Variants in PRKG1 observed in about 807,000 individuals in gnomAD.
PRKG1 encodes the protein protein kinase cGMP-dependent 1.
A neutral mutation model predicts 88.1 loss-of-function variants in PRKG1; 35 were observed. The observed-to-expected ratio is 0.40, with a 90% CI of 0.30 to 0.53. The LOEUF (loss-of-function observed/expected upper bound fraction) is 0.53. PRKG1 is among the 20% of genes least tolerant of loss of function. The pLI is 0.59. For missense variants in PRKG1, 540 were observed against 839.8 expected (o/e 0.64, Z 4.41); for synonymous variants, 303 against 292.5 (o/e 1.04, Z -0.37).
At chr10:52,061,048 T>C (rs897525190) in intron 6 of PRKG1, among the ~76,000 whole-genome samples, 6 of 152,012 alleles carry the variant, frequency 3.9e-5, no homozygotes, top group African/African-American at 1.4e-4. Context: ...CCAGTAACCT[T>C]TATTTTAGAT....
At chr10:51,969,580 C>A (rs1044070387) in intron 5 of PRKG1, among the ~76,000 whole-genome samples, 1 of 151,758 alleles carries the variant, frequency 6.6e-6, no homozygotes, top group Non-Finnish European at 1.5e-5. Flanking sequence ...AAAGACAATC[C>A]TATAGAAAAA....
chr10:51,036,024 T>C (rs541354078), intron 1 of PRKG1, among the ~76,000 whole-genome samples: 50 of 152,316 alleles, frequency 3.3e-4, no homozygotes, highest in African/African-American at 1.2e-3. Flanking sequence ...ATCCCATGTT[T>C]ATTCTTGAAC....
intron 10 of PRKG1, among the ~76,000 whole-genome samples, chr10:52,266,154 G>A (rs137867614): frequency 6.6e-6 from 1 of 150,952 alleles, no homozygotes; most frequent in Non-Finnish European, 1.5e-5. Context: ...ACGTTAGTAT[G>A]GTACATTTAG....
intron 5 of PRKG1, among the ~76,000 whole-genome samples, chr10:51,972,847 T>G (rs1268174873): frequency 6.6e-6 from 1 of 152,192 alleles, no homozygotes; most frequent in Non-Finnish European, 1.5e-5. Flanking sequence ...ATAGGGTTTT[T>G]TTTTTAACAA....
chr10:51,031,512 G>A (rs1304915059), intron 1 of PRKG1, among the ~76,000 whole-genome samples: 5 of 152,212 alleles, frequency 3.3e-5, no homozygotes, highest in Non-Finnish European at 4.4e-5. Context: ...GATTGGAGCA[G>A]AGGGCAGGAG....
At chr10:51,258,361 G>T (rs1839618412) in intron 2 of PRKG1, among the ~76,000 whole-genome samples, 1 of 152,156 alleles carries the variant, frequency 6.6e-6, no homozygotes, top group Non-Finnish European at 1.5e-5. Context: ...GACATTTTAA[G>T]AAGAGACAAC....
rs1182857025 is a variant in PRKG1, at chr10:51,947,450, C to T, written c.762+39880C>T. Among the ~76,000 whole-genome samples the T allele has an allele frequency of 5.3e-5, 8 of 152,294 alleles. No individual in the cohort carries two copies. The South Asian group carries it at 1.0e-3, about 20-fold the overall frequency. ...CAATGCCTCGCCCTGCTTCGGCTCGCGCATGGTGCGCTGCACCCACTGTCT... is the reference window on the plus strand; with the variant it reads ...CAATGCCTCGCCCTGCTTCGGCTCGTGCATGGTGCGCTGCACCCACTGTCT... On this transcript the variant is annotated intron_variant, in intron 5 of 17. Transcript: ENST00000373980.
chr10:51,345,324 G>A (rs1842088903), intron 2 of PRKG1, among the ~76,000 whole-genome samples: 1 of 152,104 alleles, frequency 6.6e-6, no homozygotes, highest in East Asian at 1.9e-4. Context: ...CTTAGAAATA[G>A]TATTGCCTTT....
At chr10:51,414,634 C>T (rs1023887261) in intron 2 of PRKG1, among the ~76,000 whole-genome samples, 7 of 152,156 alleles carry the variant, frequency 4.6e-5, no homozygotes, top group Non-Finnish European at 8.8e-5. Flanking sequence ...TTACAAAAAT[C>T]AGCTTTACAC....
chr10:51,139,577 T>A (rs573810500), intron 1 of PRKG1, among the ~76,000 whole-genome samples: 1 of 152,208 alleles, frequency 6.6e-6, no homozygotes, highest in Non-Finnish European at 1.5e-5. Context: ...AAACAACCAA[T>A]GTCTATTCAG....
intron 3 of PRKG1, among the ~76,000 whole-genome samples, chr10:51,787,713 C>A (rs996652685): frequency 2.0e-5 from 3 of 152,090 alleles, no homozygotes; most frequent in Non-Finnish European, 4.4e-5. Flanking sequence ...TTATGTTAAC[C>A]AAGGGCAGAG....
chr10:51,682,401 A>T (rs1840874046), intron 3 of PRKG1, among the ~76,000 whole-genome samples: 1 of 152,132 alleles, frequency 6.6e-6, no homozygotes, highest in Non-Finnish European at 1.5e-5. Flanking sequence ...TCTGGTAACA[A>T]ATCTTCCTTG....
intron 3 of PRKG1, among the ~76,000 whole-genome samples, chr10:51,670,665 G>A (rs1840538016): frequency 1.3e-5 from 2 of 148,440 alleles, no homozygotes. Flanking sequence ...GAACCCGGGA[G>A]GCAGAGCTTG....
chr10:51,112,038 T>A (rs1295842103), intron 1 of PRKG1, among the ~76,000 whole-genome samples: 1 of 152,146 alleles, frequency 6.6e-6, no homozygotes, highest in Non-Finnish European at 1.5e-5. Context: ...ATGGATGGCG[T>A]GTAAGGTAGG....
intron 1 of PRKG1, among the ~76,000 whole-genome samples, chr10:51,039,446 A>G (rs1332531437): frequency 6.6e-6 from 1 of 152,076 alleles, no homozygotes; most frequent in African/African-American, 2.4e-5. Context: ...TTTTTTTCCT[A>G]CACAGTTGTT....
chr10:51,488,078 A>G (rs2339757), intron 3 of PRKG1, among the ~76,000 whole-genome samples: 10,801 of 152,286 alleles, frequency 0.071, 538 homozygotes, highest in South Asian at 0.12. Flanking sequence ...CAGTGGAAAA[A>G]ATAGTCATCA....
At chr10:51,910,637 T>G (rs1290849883) in intron 5 of PRKG1, 10 of 152,196 alleles carry the variant, frequency 6.6e-5, no homozygotes. Context: ...CATTTGATTA[T>G]GTGTCTGTTT....
intron 2 of PRKG1, among the ~76,000 whole-genome samples, chr10:51,205,137 T>TC (rs1564637504): frequency 1.1e-4 from 11 of 97,900 alleles, no homozygotes; most frequent in Non-Finnish European, 1.4e-4. Flanking sequence ...CTTTTTTTTT[T>TC]TTTTTTTTTT....
intron 1 of PRKG1, among the ~76,000 whole-genome samples, chr10:50,993,677 C>CAGT (rs1164517990): frequency 2.6e-5 from 4 of 152,238 alleles, no homozygotes; most frequent in African/African-American, 9.6e-5. Context: ...GCCCCTCGAA[C>CAGT]AGTAACAGCA....
Sources: allele counts gnomAD v4.1 joint callset (sites outside exome capture counted in the v4.1 genomes callset), GRCh38; gene constraint gnomAD v4.1.1; transcripts MANE v1.5; gene names NCBI Gene and HGNC (gene_info 2026-07-23, HGNC 2026-07-21).